The following BCL2L14 variants were observed in gnomAD, a reference collection of about 807,000 sequenced individuals.
The protein encoded by BCL2L14 is BCL2 like 14.
A neutral mutation model predicts 35.3 loss-of-function variants in BCL2L14; 27 were observed. The observed-to-expected ratio is 0.76, with a 90% CI of 0.56 to 1.05. The LOEUF is 1.05. Among genes scored for constraint, BCL2L14 ranks in the 50% least tolerant of loss-of-function variants. BCL2L14 has a pLI of 0.00. For missense variants in BCL2L14, 377 were observed against 382.6 expected (o/e 0.99, Z 0.12); for synonymous variants, 139 against 145.9 (o/e 0.95, Z 0.34).
At chr12:12,052,935 G>A (rs1001922771) in intron 2 of BCL2L14, among the ~76,000 whole-genome samples, 1 of 152,226 alleles carries the variant, frequency 6.6e-6, no homozygotes, top group Non-Finnish European at 1.5e-5. Flanking sequence ...TGAGGTGTGT[G>A]TTTGGGGCAG....
At chr12:12,051,562 A>G (rs1216896638) in intron 1 of BCL2L14, among the ~76,000 whole-genome samples, 1 of 142,972 alleles carries the variant, frequency 7.0e-6, no homozygotes, top group Non-Finnish European at 1.6e-5. Context: ...ACCCCCTGGT[A>G]ACTTTCAGCC....
chr12:12,078,014 T>G (rs2136744567), intron 1 of BCL2L14: 1 of 439,864 alleles, frequency 2.3e-6, no homozygotes. Context: ...CAAAATCAGT[T>G]CTTTATCTAT....
intron 2 of BCL2L14, among the ~76,000 whole-genome samples, chr12:12,086,534 A>G (rs7297820): frequency 0.02 from 2,967 of 151,854 alleles, 99 homozygotes; most frequent in African/African-American, 0.067. Context: ...ACAATTCTGT[A>G]TGCAAATACA....
intron 2 of BCL2L14, among the ~76,000 whole-genome samples, chr12:12,063,090 A>G (rs914231119): frequency 6.6e-6 from 1 of 152,096 alleles, no homozygotes; most frequent in Non-Finnish European, 1.5e-5. Flanking sequence ...CAGCAGACCA[A>G]CTTAGACTGT....
At chr12:12,062,069 C>A (rs1295853796) in intron 2 of BCL2L14, among the ~76,000 whole-genome samples, 1 of 151,170 alleles carries the variant, frequency 6.6e-6, no homozygotes, top group Non-Finnish European at 1.5e-5. Context: ...TAGAGGCCCT[C>A]AAAATCACAA....
intron 2 of BCL2L14, among the ~76,000 whole-genome samples, chr12:12,062,134 C>T (rs2136716740): frequency 6.6e-6 from 1 of 152,014 alleles, no homozygotes; most frequent in South Asian, 2.1e-4. Flanking sequence ...CTATTTTCTT[C>T]CTCATACCTG....
At chr12:12,056,565 C>T (rs147563482) in intron 2 of BCL2L14, among the ~76,000 whole-genome samples, 60 of 152,326 alleles carry the variant, frequency 3.9e-4, no homozygotes, top group South Asian at 8.3e-4. Flanking sequence ...CACGGTGGCT[C>T]ACGCTCACTC....
chr12:12,098,634 G>A (rs747083206), intron 5 of BCL2L14, among the ~76,000 whole-genome samples: 7 of 152,178 alleles, frequency 4.6e-5, no homozygotes, highest in Admixed American at 6.5e-5. Flanking sequence ...ACTTTGAAAG[G>A]AGAGAGTTGT....
At chr12:12,085,415 C>A (rs1287894737) in intron 2 of BCL2L14, among the ~76,000 whole-genome samples, 1 of 152,168 alleles carries the variant, frequency 6.6e-6, no homozygotes, top group Non-Finnish European at 1.5e-5. Context: ...TTGCCAGGGG[C>A]CATGGGTGGC....
intron 4 of BCL2L14, among the ~76,000 whole-genome samples, chr12:12,092,896 C>T (rs1016178123): frequency 6.6e-5 from 10 of 152,168 alleles, no homozygotes; most frequent in African/African-American, 2.2e-4. Flanking sequence ...GTTGAAAACC[C>T]GCTTGGCTTA....
intron 1 of BCL2L14, among the ~76,000 whole-genome samples, chr12:12,075,983 C>A (rs1948772132): frequency 6.6e-6 from 1 of 151,412 alleles, no homozygotes; most frequent in Admixed American, 6.6e-5. Context: ...GGTTGTCTCA[C>A]CTTTAGTGAG....
At chr12:12,062,491 G>A (rs1380309200) in intron 2 of BCL2L14, among the ~76,000 whole-genome samples, 1 of 151,186 alleles carries the variant, frequency 6.6e-6, no homozygotes, top group Non-Finnish European at 1.5e-5. Flanking sequence ...CTATCCTCAA[G>A]GAAATAACTT....
chr12:12,083,935 G>GA (rs1477036669), intron 2 of BCL2L14, among the ~76,000 whole-genome samples: 2 of 151,990 alleles, frequency 1.3e-5, no homozygotes, highest in South Asian at 2.1e-4. Context: ...ATGACGGGGT[G>GA]AAAAAAAGAA....
At chr12:12,076,311 C>A (rs988511858) in intron 1 of BCL2L14, among the ~76,000 whole-genome samples, 26 of 152,062 alleles carry the variant, frequency 1.7e-4, no homozygotes, top group African/African-American at 6.0e-4. Flanking sequence ...ACTGACGTGA[C>A]TCCTTACAGA....
chr12:12,088,715 T>C (rs1296984951), intron 3 of BCL2L14, among the ~76,000 whole-genome samples: 3 of 152,106 alleles, frequency 2.0e-5, no homozygotes, highest in Admixed American at 1.3e-4. Flanking sequence ...AGGTGGATCT[T>C]GGGTTTGCAC....
upstream of BCL2L14, among the ~76,000 whole-genome samples, chr12:12,065,987 C>T (rs186843038): frequency 9.1e-3 from 1,383 of 152,120 alleles, 21 homozygotes; most frequent in Middle Eastern, 0.01. Flanking sequence ...GATGGGGTTT[C>T]GCCATGATGA....
At chr12:12,069,654 G>C (rs369649947), upstream of BCL2L14, among the ~76,000 whole-genome samples, 49 of 147,854 alleles carry the variant, frequency 3.3e-4, no homozygotes, top group East Asian at 8.3e-3. Context: ...CTTGCAGTGA[G>C]CCAAGATCGC....
At chr12:12,092,727 CCT>C (rs1448040287) in intron 4 of BCL2L14, among the ~76,000 whole-genome samples, 1 of 152,146 alleles carries the variant, frequency 6.6e-6, no homozygotes, top group African/African-American at 2.4e-5. Context: ...GAGTCTGTTC[CCT>C]GTTATGGAGG....
intron 2 of BCL2L14, among the ~76,000 whole-genome samples, chr12:12,054,335 T>C (rs934050563): frequency 3.3e-5 from 5 of 151,918 alleles, no homozygotes; most frequent in Non-Finnish European, 7.4e-5. Context: ...AAACCCCATA[T>C]CTACTAAAAA....
Sources: allele counts gnomAD v4.1 joint callset (sites outside exome capture counted in the v4.1 genomes callset), GRCh38; gene constraint gnomAD v4.1.1; transcripts MANE v1.5; gene names NCBI Gene and HGNC (gene_info 2026-07-23, HGNC 2026-07-21).